MEP1A: variants seen among roughly 807,000 people sequenced by gnomAD.
MEP1A encodes the protein meprin A subunit alpha, also known as N-benzoyl-L-tyrosyl-P-amino-benzoic acid hydrolase subunit alpha.
Under a neutral mutation model 84.5 loss-of-function variants are expected in MEP1A, and 68 were observed. That is an observed-to-expected ratio of 0.80 (90% CI 0.66 to 0.98). The LOEUF is 0.98. MEP1A is among the 50% of genes least tolerant of loss of function. The probability of loss-of-function intolerance (pLI) is 0.00; values close to 1 mark genes in which losing one functional copy is unlikely to be tolerated. For synonymous variants in MEP1A, 337 were observed against 336.8 expected, an observed-to-expected ratio of 1.00 and a Z score of -0.01; for missense variants, 887 against 919.9, an observed-to-expected ratio of 0.96 and a Z score of 0.46.
chr6:46,834,780 A>G, intron 12 of MEP1A, 29 bp downstream of exon 12: 3 of 1,490,658 alleles, frequency 2.0e-6, no homozygotes, highest in Non-Finnish European at 2.8e-6. Flanking sequence ...CTGAGTAAAT[A>G]ATCCTATGCT....
At chr6:46,823,036 T>C (rs1028447277) in intron 7 of MEP1A, among the ~76,000 whole-genome samples, 9 of 152,192 alleles carry the variant, frequency 5.9e-5, no homozygotes, top group Non-Finnish European at 8.8e-5. Flanking sequence ...GTTAGAGCCA[T>C]TGTTTCTTTT....
chr6:46,827,735 G>T (rs1179280739), intron 9 of MEP1A, among the ~76,000 whole-genome samples: 1 of 152,180 alleles, frequency 6.6e-6, no homozygotes, highest in African/African-American at 2.4e-5. Context: ...TCCAAAGGTT[G>T]ATCCAAGCCT....
chr6:46,810,001 A>G (rs1015439417), intron 6 of MEP1A, among the ~76,000 whole-genome samples: 2 of 151,948 alleles, frequency 1.3e-5, no homozygotes, highest in East Asian at 3.8e-4. Flanking sequence ...TGCTGGATCA[A>G]ATGGTAGTTC....
downstream of MEP1A, among the ~76,000 whole-genome samples, chr6:46,842,022 C>G (rs1415996067): frequency 2.0e-5 from 3 of 152,176 alleles, no homozygotes; most frequent in Non-Finnish European, 4.4e-5. Flanking sequence ...GTCTTTACTG[C>G]AATCTCTGAA....
intron 5 of MEP1A, among the ~76,000 whole-genome samples, chr6:46,807,840 G>GAAGGAAGA (rs1554189054): frequency 2.2e-4 from 24 of 107,872 alleles, no homozygotes; most frequent in African/African-American, 5.7e-4. Context: ...AGAAAGAAAG[G>GAAGGAAGA]AAGAAAGGAA....
chr6:46,833,825 G>T (rs374506430), intron 11 of MEP1A, among the ~76,000 whole-genome samples: 26 of 152,164 alleles, frequency 1.7e-4, no homozygotes, highest in Admixed American at 1.7e-3. Flanking sequence ...CACTGAGCTC[G>T]TTGTGATTGA....
rs200656422 is a variant in MEP1A, at chr6:46,807,681, AAGG to A, written c.263-1724_263-1722del. 2.2e-3 allele frequency among the ~76,000 whole-genome samples: 326 copies of A among 145,600 alleles called. 5 individuals carry two copies. In the East Asian group the frequency reaches 0.035, roughly 16 times the overall value. ...GGAAGAGAAGAAGGAGGAGGAGGAGAAGGAGGAGGAGGAGGAGAAGGAAAAAAC... is the reference window on the plus strand; with the variant it reads ...GGAAGAGAAGAAGGAGGAGGAGGAGAAGGAGGAGGAGGAGAAGGAAAAAAC... On this transcript the variant is annotated intron_variant, in intron 5 of 13. Transcript: ENST00000230588.
intron 8 of MEP1A, 135 bp from the exon 9 acceptor site, chr6:46,826,219 A>T: frequency 2.7e-6 from 2 of 731,370 alleles, no homozygotes; most frequent in Non-Finnish European, 4.2e-6. Flanking sequence ...TAAGATTTGC[A>T]TTTGAGAAAA....
At chr6:46,819,447 C>T in intron 6 of MEP1A, 82 bp from the exon 7 acceptor site, 2 of 1,148,122 alleles carry the variant, frequency 1.7e-6, no homozygotes, top group East Asian at 2.5e-5. Flanking sequence ...TAATTTCCTC[C>T]TAATTTGTGT....
In MEP1A at chr6:46,820,095, T is replaced by C. The variant is rs533221141; in HGVS notation, c.556+391T>C. ...GAAGGCTGTTTGAGGTTTAGTTGAT[T>C]ATTCCATGACTATAGGGCATACTCA... On this transcript the variant is annotated intron_variant, in intron 7 of 13. Coordinates refer to ENST00000230588, the MANE Select transcript of MEP1A (RefSeq NM_005588.3). Among the ~76,000 whole-genome samples, 42 of 152,354 alleles carry C rather than the reference T, an allele frequency of 2.8e-4. 1 individual carries two copies. The highest frequency in any genetic ancestry group is 2.3e-3 in the East Asian group (12 of 5,184).
intron 5 of MEP1A, among the ~76,000 whole-genome samples, chr6:46,801,972 T>G (rs1767205343): frequency 6.6e-6 from 1 of 152,030 alleles, no homozygotes; most frequent in South Asian, 2.1e-4. Context: ...TTTATCATCA[T>G]GTCAAAAATC....
At chr6:46,840,117 G>A (rs1165489477), downstream of MEP1A, among the ~76,000 whole-genome samples, 1 of 151,930 alleles carries the variant, frequency 6.6e-6, no homozygotes, top group Non-Finnish European at 1.5e-5. Flanking sequence ...AAGATTTTAA[G>A]GATTCTGAGT....
chr6:46,833,090 T>A lies in MEP1A; in HGVS notation c.1161T>A (p.Asn387Lys). ...VQTFQGDDDH[N>K]WKIAHVVLKE... is the part of the protein sequence containing the mutation. Reference sequence around the variant, plus strand: ...TGTCCTCAGGAGATGATGACCACAATTGGAAAATTGCCCATGTGGTGCTCA... The same window carrying A: ...TGTCCTCAGGAGATGATGACCACAAATGGAAAATTGCCCATGTGGTGCTCA... The change falls in exon 11 of 14, where the codon AAT becomes AAA. Residue 387 changes from asparagine to lysine, a missense_variant. Physicochemically the swap from Asn to Lys is moderately conservative, Grantham distance 94 (BLOSUM62 0). Transcript: ENST00000230588. 6.6e-7 allele frequency: 1 copy of A among 1,525,176 alleles called. No homozygotes were observed. Among genetic ancestry groups the A allele is most frequent in the Non-Finnish European group, 8.8e-7 (1 of 1,139,982 alleles). 94.5% of individuals were successfully genotyped at this position (1,525,176 alleles called of 1,614,324 possible). A position where few individuals can be genotyped will look rare whatever the true frequency, so the allele number is the denominator to read the frequency against.
chr6:46,823,848 C>A (rs1409053570), intron 7 of MEP1A, among the ~76,000 whole-genome samples: 1 of 152,174 alleles, frequency 6.6e-6, no homozygotes. Flanking sequence ...TTTTGTTCAG[C>A]TTTTTACATT....
In MEP1A at chr6:46,826,444, C is replaced by T. The variant is rs2150753392; in HGVS notation, c.869C>T (p.Ala290Val). The change falls in exon 9 of 14, where the codon GCC (alanine) becomes GTC (valine). Residue 290 changes from alanine (A) to valine (V), a missense_variant. Transcript: ENST00000230588. ...GGCACCAGAGATGACACTGACTGGG[C>T]CCATCAGGACAGTGCTCAGGCTGGA... ...IQGTRDDTDW[A>V]HQDSAQAGEV... The T allele has an allele frequency of 6.2e-7, 1 of 1,607,250 alleles. No homozygotes were observed. The highest frequency in any genetic ancestry group is 8.5e-7 in the Non-Finnish European group (1 of 1,176,736).
intron 6 of MEP1A, among the ~76,000 whole-genome samples, chr6:46,811,046 A>C (rs570261679): frequency 1.3e-5 from 2 of 152,116 alleles, no homozygotes; most frequent in Admixed American, 6.6e-5. Flanking sequence ...GAATTTGTAG[A>C]TTGCTTTTGG....
chr6:46,804,990 C>T (rs1767282777), intron 5 of MEP1A, among the ~76,000 whole-genome samples: 1 of 151,770 alleles, frequency 6.6e-6, no homozygotes, highest in Non-Finnish European at 1.5e-5. Context: ...TCTTGGGATG[C>T]ATCAATGTTG....
chr6:46,801,795 T>G (rs1767201717), intron 5 of MEP1A, among the ~76,000 whole-genome samples: 1 of 152,038 alleles, frequency 6.6e-6, no homozygotes, highest in Non-Finnish European at 1.5e-5. Flanking sequence ...GATGAAGAGA[T>G]TGAGACTGAT....
chr6:46,807,841 A>AG (rs1767401715), intron 5 of MEP1A, among the ~76,000 whole-genome samples: 1 of 102,748 alleles, frequency 9.7e-6, no homozygotes, highest in Non-Finnish European at 2.5e-5. Context: ...GAAAGAAAGG[A>AG]AGAAAGGAAA....
Sources: gnomAD v4.1 joint callset for allele counts (sites outside exome capture counted in the v4.1 genomes callset) on GRCh38, gnomAD v4.1.1 for gene constraint, MANE v1.5 for transcripts, NCBI Gene and HGNC (gene_info 2026-07-23, HGNC 2026-07-21) for gene names.